The following ERBB4 variants were observed in gnomAD, a reference collection of about 807,000 sequenced individuals.
ERBB4 encodes erb-b2 receptor tyrosine kinase 4.
A neutral mutation model predicts 158.0 loss-of-function variants in ERBB4; 42 were observed. The ratio of observed to expected loss-of-function variants is 0.27; its 90% CI spans 0.21 to 0.34. The LOEUF (loss-of-function observed/expected upper bound fraction) is 0.34, where lower values mean the gene tolerates loss of function less well. ERBB4 is among the 10% of genes least tolerant of loss of function. The pLI, the probability that ERBB4 is intolerant of heterozygous loss-of-function variation, is 1.00. For synonymous variants in ERBB4, 583 were observed against 558.7 expected (o/e 1.04, Z -0.61); for missense variants, 1,333 against 1,624.1 (o/e 0.82, Z 3.08).
At chr2:212,124,722 C>A (rs774582467) in intron 2 of ERBB4, 30 bp downstream of exon 2, 1 of 1,613,486 alleles carries the variant, frequency 6.2e-7, no homozygotes, top group Admixed American at 1.7e-5. Context: ...TGTCCATTCA[C>A]AAAGAAGAGA....
At chr2:212,256,693 C>T (rs554554720) in intron 1 of ERBB4, among the ~76,000 whole-genome samples, 3 of 152,212 alleles carry the variant, frequency 2.0e-5, no homozygotes, top group Admixed American at 6.5e-5. Context: ...TCAGTAGCCT[C>T]GCATCTCTGG....
intron 1 of ERBB4, among the ~76,000 whole-genome samples, chr2:212,145,604 G>A (rs1371778643): frequency 6.6e-6 from 1 of 151,802 alleles, no homozygotes; most frequent in Non-Finnish European, 1.5e-5. Context: ...TTAGACTTAA[G>A]AGTCACCCAG....
intron 3 of ERBB4, among the ~76,000 whole-genome samples, chr2:211,942,330 T>TTTTA (rs200095181): frequency 0.19 from 27,514 of 145,740 alleles, 2,988 homozygotes; most frequent in African/African-American, 0.28. Context: ...GGATGAAGCA[T>TTTTA]TTTATTTATT....
At chr2:211,977,104 G>A (rs1304665990) in intron 2 of ERBB4, among the ~76,000 whole-genome samples, 2 of 152,162 alleles carry the variant, frequency 1.3e-5, no homozygotes, top group Non-Finnish European at 2.9e-5. Context: ...AGCTGAGATA[G>A]AAATGACATC....
At chr2:212,136,885 G>T (rs537468390) in intron 1 of ERBB4, among the ~76,000 whole-genome samples, 5 of 152,178 alleles carry the variant, frequency 3.3e-5, no homozygotes, top group Admixed American at 2.6e-4. Flanking sequence ...CCTAATCCAA[G>T]ATCACCTTCT....
chr2:211,944,100 T>TAC (rs1559153909), intron 3 of ERBB4, among the ~76,000 whole-genome samples: 1 of 115,080 alleles, frequency 8.7e-6, no homozygotes, highest in Non-Finnish European at 1.7e-5. Flanking sequence ...TATATATACA[T>TAC]GGTTACACTA....
intron 3 of ERBB4, among the ~76,000 whole-genome samples, chr2:211,905,657 T>TAC (rs1397237239): frequency 4.3e-5 from 4 of 92,734 alleles, no homozygotes; most frequent in African/African-American, 1.8e-4. Flanking sequence ...CATATATATA[T>TAC]ATATATATAT....
At chr2:211,943,419 T>G (rs566268117) in intron 3 of ERBB4, among the ~76,000 whole-genome samples, 6 of 152,244 alleles carry the variant, frequency 3.9e-5, no homozygotes, top group Non-Finnish European at 7.3e-5. Flanking sequence ...GCAAGTGACC[T>G]TAACGGAAGA....
chr2:211,683,177 TATAG>T (rs2072425400), intron 12 of ERBB4, among the ~76,000 whole-genome samples: 1 of 151,984 alleles, frequency 6.6e-6, no homozygotes, highest in African/African-American at 2.4e-5. Flanking sequence ...GATACCGTGT[TATAG>T]ATACCCAGTT....
At chr2:211,872,056 A>C (rs550607557) in intron 3 of ERBB4, among the ~76,000 whole-genome samples, 1 of 147,650 alleles carries the variant, frequency 6.8e-6, no homozygotes, top group African/African-American at 2.5e-5. Flanking sequence ...CATACATTTC[A>C]ATAATTGCTT....
chr2:211,680,942 A>G (rs2072310187), intron 12 of ERBB4, among the ~76,000 whole-genome samples: 1 of 152,210 alleles, frequency 6.6e-6, no homozygotes, highest in Non-Finnish European at 1.5e-5. Flanking sequence ...AACCACATCT[A>G]CAATCAAGAT....
intron 1 of ERBB4, among the ~76,000 whole-genome samples, chr2:212,400,437 C>G (rs13391098): frequency 0.11 from 16,796 of 152,170 alleles, 1,009 homozygotes; most frequent in Non-Finnish European, 0.13. Context: ...GACTGCCAGG[C>G]TTGGAGCCCC....
intron 2 of ERBB4, among the ~76,000 whole-genome samples, chr2:212,051,197 G>A (rs1001988900): frequency 6.6e-6 from 1 of 151,996 alleles, no homozygotes; most frequent in Admixed American, 6.6e-5. Flanking sequence ...TCAGAGTCTG[G>A]CATTTTATTT....
At chr2:212,099,135 C>A (rs2079009962) in intron 2 of ERBB4, among the ~76,000 whole-genome samples, 1 of 145,270 alleles carries the variant, frequency 6.9e-6, no homozygotes, top group South Asian at 2.2e-4. Context: ...ATGGACAGAG[C>A]CCCTCTCTAA....
chr2:211,572,822 G>T (rs900119719), intron 19 of ERBB4, among the ~76,000 whole-genome samples: 2 of 152,150 alleles, frequency 1.3e-5, no homozygotes, highest in African/African-American at 4.8e-5. Context: ...CTTGAACAAG[G>T]CACTTGACAA....
chr2:211,592,182 T>G (rs925168449), intron 19 of ERBB4, among the ~76,000 whole-genome samples: 1 of 65,676 alleles, frequency 1.5e-5, no homozygotes, highest in African/African-American at 3.3e-5. Flanking sequence ...AGACGCCCGG[T>G]AGACGCAGGG....
At chr2:211,980,059 A>T (rs1445353097) in intron 2 of ERBB4, among the ~76,000 whole-genome samples, 3 of 152,200 alleles carry the variant, frequency 2.0e-5, no homozygotes, top group African/African-American at 4.8e-5. Context: ...TTTTGAAGAC[A>T]CTAAGATATA....
At chr2:211,807,640 ATCCT>A (rs2076651187) in intron 3 of ERBB4, among the ~76,000 whole-genome samples, 1 of 152,208 alleles carries the variant, frequency 6.6e-6, no homozygotes. Context: ...ACGATGTATA[ATCCT>A]TTGGGTATAT....
intron 19 of ERBB4, among the ~76,000 whole-genome samples, chr2:211,587,477 G>A (rs771298753): frequency 3.7e-4 from 56 of 152,146 alleles, no homozygotes; most frequent in Non-Finnish European, 5.6e-4. Flanking sequence ...ACATGAAGCC[G>A]GAGGATTGCA....
Sources: allele counts gnomAD v4.1 joint callset (sites outside exome capture counted in the v4.1 genomes callset), GRCh38; gene constraint gnomAD v4.1.1; transcripts MANE v1.5; gene names NCBI Gene and HGNC (gene_info 2026-07-23, HGNC 2026-07-21).